RIMS1: variants seen among roughly 807,000 people sequenced by gnomAD.
RIMS1 encodes regulating synaptic membrane exocytosis 1.
Under a neutral mutation model 214.1 loss-of-function variants are expected in RIMS1, and 83 were observed. The ratio of observed to expected loss-of-function variants is 0.39; its 90% CI spans 0.32 to 0.47. The LOEUF is 0.47. Ranked by LOEUF, RIMS1 falls within the 20% of genes least tolerant of loss-of-function variation. RIMS1 has a pLI of 0.99. For synonymous variants in RIMS1, 793 were observed against 786.8 expected, an observed-to-expected ratio of 1.01 and a Z score of -0.13; for missense variants, 2,050 against 2,161.8, an observed-to-expected ratio of 0.95 and a Z score of 1.03.
intron 1 of RIMS1, among the ~76,000 whole-genome samples, chr6:71,903,304 T>C (rs1774269172): frequency 6.6e-6 from 1 of 152,156 alleles, no homozygotes; most frequent in South Asian, 2.1e-4. Context: ...TTATCATATG[T>C]TGATTGGCCG....
rs369140449 is a variant in RIMS1, at chr6:72,160,018, A to T, written c.472-19557A>T. On this transcript the variant is annotated intron_variant, in intron 4 of 33. Coordinates refer to ENST00000521978, the MANE Select transcript of RIMS1 (RefSeq NM_014989.7). The stretch of plus-strand genomic sequence containing the variant: ...TTCACGATATTGATTCTTCCTACCC[A>T]TGAGCATGGAATGTTCTTCCATTTG... Among the ~76,000 whole-genome samples the T allele has an allele frequency of 4.1e-3, 538 of 132,764 alleles. 32 individuals are homozygous for T. Among genetic ancestry groups the T allele is most frequent in the African/African-American group, 0.013 (522 of 39,334 alleles). 87.1% of individuals were successfully genotyped at this position (132,764 alleles called of 152,430 possible).
intron 4 of RIMS1, among the ~76,000 whole-genome samples, chr6:72,161,103 G>T (rs1250154445): frequency 7.2e-6 from 1 of 139,746 alleles, no homozygotes; most frequent in African/African-American, 2.5e-5. Context: ...CTTCTTCCTG[G>T]TTTAGTTTTA....
intron 26 of RIMS1, among the ~76,000 whole-genome samples, chr6:72,306,593 A>G (rs2095191980): frequency 6.6e-6 from 1 of 152,196 alleles, no homozygotes; most frequent in African/African-American, 2.4e-5. Flanking sequence ...TTTACATATT[A>G]TAAATTAAAG....
chr6:72,035,829 T>A (rs1274614830), intron 2 of RIMS1, among the ~76,000 whole-genome samples: 1 of 152,162 alleles, frequency 6.6e-6, no homozygotes, highest in Non-Finnish European at 1.5e-5. Flanking sequence ...GTGTGTTAAA[T>A]TCTGGAAAAG....
chr6:72,335,065 T>A (rs1212825572), intron 29 of RIMS1, among the ~76,000 whole-genome samples: 4 of 152,028 alleles, frequency 2.6e-5, no homozygotes, highest in Admixed American at 6.6e-5. Flanking sequence ...TTTGTTTGTT[T>A]GTTTTTTAAA....
chr6:72,284,957 G>A (rs554571133), intron 24 of RIMS1, among the ~76,000 whole-genome samples: 1 of 152,284 alleles, frequency 6.6e-6, no homozygotes, highest in Admixed American at 6.5e-5. Flanking sequence ...TATGTGTGAA[G>A]AGTGGAGTAT....
chr6:72,258,100 T>C lies in RIMS1; in HGVS notation c.2771-25T>C, dbSNP rs192561247. 1.6e-4 allele frequency: 253 copies of C among 1,604,926 alleles called. 4 individuals carry two copies. The East Asian group carries it at 5.2e-3, about 33-fold the overall frequency. On this transcript the variant is annotated intron_variant, in intron 16 of 33. Transcript: ENST00000521978. The stretch of plus-strand genomic sequence containing the variant: ...GCATTATAGAAGAATACTGACTAAA[T>C]TTTTTCTGTGTGTACTTTTGCCAGT...
At chr6:72,259,322 T>G (rs1222318839) in intron 18 of RIMS1, among the ~76,000 whole-genome samples, 1 of 152,178 alleles carries the variant, frequency 6.6e-6, no homozygotes, top group South Asian at 2.1e-4. Flanking sequence ...CCAATTTCTT[T>G]TACAAAATCA....
At chr6:72,354,266 C>T (rs958373583) in intron 29 of RIMS1, among the ~76,000 whole-genome samples, 6 of 152,114 alleles carry the variant, frequency 3.9e-5, no homozygotes, top group Admixed American at 1.3e-4. Context: ...CCAGGCTTTG[C>T]GCCTACATAT....
At chr6:72,055,751 G>A (rs747678810) in intron 2 of RIMS1, among the ~76,000 whole-genome samples, 5 of 152,148 alleles carry the variant, frequency 3.3e-5, no homozygotes, top group African/African-American at 4.8e-5. Flanking sequence ...ATTATTAAAC[G>A]TGAAAAAATA....
At chr6:72,150,400 A>G (rs2043376914) in intron 4 of RIMS1, among the ~76,000 whole-genome samples, 1 of 152,184 alleles carries the variant, frequency 6.6e-6, no homozygotes, top group Admixed American at 6.6e-5. Context: ...TTTTGGCTTG[A>G]AGGTGGGGTT....
At chr6:72,249,133 T>G (rs1275671465) in intron 12 of RIMS1, among the ~76,000 whole-genome samples, 1 of 152,216 alleles carries the variant, frequency 6.6e-6, no homozygotes, top group African/African-American at 2.4e-5. Context: ...ATTAGTTTAT[T>G]TTGTTTTAAT....
chr6:72,290,671 T>C lies in RIMS1; in HGVS notation c.3555-8T>C, dbSNP rs780240075. 6 of 1,611,032 alleles carry C rather than the reference T, an allele frequency of 3.7e-6. No individual in the cohort carries two copies. The highest frequency in any genetic ancestry group is 1.3e-5 in the African/African-American group (1 of 74,958). ...GACTGAAGATCTTTTTTGGCCCTAATGTTTTAGGGTTCTCCCAACATGTCT... is the reference window on the plus strand; with the variant it reads ...GACTGAAGATCTTTTTTGGCCCTAACGTTTTAGGGTTCTCCCAACATGTCT... On this transcript the variant is annotated splice_polypyrimidine_tract_variant and splice_region_variant and intron_variant, in intron 24 of 33. Coordinates refer to ENST00000521978, the MANE Select transcript of RIMS1 (RefSeq NM_014989.7).
At chr6:72,222,723 T>C (rs2058894662) in intron 6 of RIMS1, among the ~76,000 whole-genome samples, 1 of 152,226 alleles carries the variant, frequency 6.6e-6, no homozygotes, top group Non-Finnish European at 1.5e-5. Flanking sequence ...TACCAACCTT[T>C]GTTTTTAATT....
At chr6:71,935,863 C>T (rs75234260) in intron 1 of RIMS1, among the ~76,000 whole-genome samples, 14,767 of 152,220 alleles carry the variant, frequency 0.097, 988 homozygotes, top group Middle Eastern at 0.17. Context: ...TAGAAATTTT[C>T]CTGAAGTAAT....
chr6:71,890,596 A>AAAAAAAAAAAAAAAAAAAAAAAAAAAC (rs1554194854), intron 1 of RIMS1, among the ~76,000 whole-genome samples: 1 of 112,948 alleles, frequency 8.9e-6, no homozygotes, highest in Non-Finnish European at 1.8e-5. Context: ...AAAAAAAAAA[A>AAAAAAAAAAAAAAAAAAAAAAAAAAAC]ACTTCATAGA....
intron 1 of RIMS1, among the ~76,000 whole-genome samples, chr6:71,918,377 G>C (rs1779042017): frequency 6.6e-6 from 1 of 152,148 alleles, no homozygotes; most frequent in Admixed American, 6.6e-5. Flanking sequence ...GAGGAAGGGA[G>C]TAAAGATGAA....
intron 4 of RIMS1, among the ~76,000 whole-genome samples, chr6:72,169,654 A>T (rs564617747): frequency 1.2e-3 from 186 of 152,350 alleles, no homozygotes; most frequent in Non-Finnish European, 2.3e-3. Flanking sequence ...CTGTAATTGC[A>T]GCACTTTCGG....
chr6:72,294,818 A>T (rs2093886598), intron 26 of RIMS1, among the ~76,000 whole-genome samples: 1 of 151,786 alleles, frequency 6.6e-6, no homozygotes, highest in Non-Finnish European at 1.5e-5. Context: ...ATAGAGCCAG[A>T]TTATGTTGAA....
Sources: allele counts gnomAD v4.1 joint callset (sites outside exome capture counted in the v4.1 genomes callset), GRCh38; gene constraint gnomAD v4.1.1; transcripts MANE v1.5; gene names NCBI Gene and HGNC (gene_info 2026-07-23, HGNC 2026-07-21).